ADGRL2: variants seen among roughly 807,000 people sequenced by gnomAD.
ADGRL2 encodes the protein calcium-independent alpha-latrotoxin receptor 2.
A neutral mutation model predicts 157.4 loss-of-function variants in ADGRL2; 44 were observed. That is an observed-to-expected ratio of 0.28 (90% CI 0.22 to 0.36). The LOEUF is 0.36. Ranked by LOEUF, ADGRL2 falls within the 10% of genes least tolerant of loss-of-function variation. The pLI is 1.00. For missense variants in ADGRL2, 1,510 were observed against 1,768.9 expected (o/e 0.85, Z 2.63); for synonymous variants, 585 against 624.7 (o/e 0.94, Z 0.95).
At chr1:81,652,393 T>C (rs1236354086) in intron 3 of ADGRL2, among the ~76,000 whole-genome samples, 2 of 152,170 alleles carry the variant, frequency 1.3e-5, no homozygotes, top group Non-Finnish European at 1.5e-5. Flanking sequence ...TGTTTGTTTC[T>C]ATTTTTTCAC....
chr1:81,861,109 C>G (rs1037554773), intron 2 of ADGRL2, among the ~76,000 whole-genome samples: 11 of 151,300 alleles, frequency 7.3e-5, no homozygotes, highest in Non-Finnish European at 2.9e-5. Context: ...CTCCACCTAC[C>G]GGGTGGGTTC....
At chr1:81,725,790 T>C (rs1382232765) in intron 1 of ADGRL2, among the ~76,000 whole-genome samples, 1 of 152,150 alleles carries the variant, frequency 6.6e-6, no homozygotes, top group Non-Finnish European at 1.5e-5. Context: ...AATTCCACAA[T>C]GTAAAATACA....
intron 2 of ADGRL2, among the ~76,000 whole-genome samples, chr1:81,499,761 A>G (rs2078805195): frequency 6.6e-6 from 1 of 152,204 alleles, no homozygotes; most frequent in African/African-American, 2.4e-5. Flanking sequence ...GTGTCAAAAG[A>G]AAGTATTTGG....
intron 3 of ADGRL2, among the ~76,000 whole-genome samples, chr1:81,600,492 C>T (rs1297673931): frequency 6.6e-6 from 1 of 152,198 alleles, no homozygotes; most frequent in Non-Finnish European, 1.5e-5. Context: ...AGAGATGCCC[C>T]AGGCAAATAT....
At chr1:81,848,722 A>G (rs898981740) in intron 2 of ADGRL2, among the ~76,000 whole-genome samples, 3 of 151,926 alleles carry the variant, frequency 2.0e-5, no homozygotes, top group Non-Finnish European at 2.9e-5. Flanking sequence ...CTTTCAAATA[A>G]TCTTCCAAAG....
At chr1:81,798,060 T>C (rs1441262563), upstream of ADGRL2, among the ~76,000 whole-genome samples, 3 of 152,190 alleles carry the variant, frequency 2.0e-5, no homozygotes, top group African/African-American at 7.2e-5. Context: ...GATTGAGTAA[T>C]TAAATTGATT....
At chr1:81,661,029 A>C (rs1570762584) in intron 3 of ADGRL2, among the ~76,000 whole-genome samples, 1 of 152,290 alleles carries the variant, frequency 6.6e-6, no homozygotes, top group Non-Finnish European at 1.5e-5. Flanking sequence ...TCCTTTTATT[A>C]ACAAATTTTT....
chr1:81,698,139 T>A (rs2083482467), upstream of ADGRL2, among the ~76,000 whole-genome samples: 1 of 152,166 alleles, frequency 6.6e-6, no homozygotes, highest in African/African-American at 2.4e-5. Flanking sequence ...TCATGTGGAA[T>A]AAGGATTAAA....
chr1:81,666,769 T>C (rs562689275), intron 3 of ADGRL2, among the ~76,000 whole-genome samples: 1 of 152,306 alleles, frequency 6.6e-6, no homozygotes, highest in African/African-American at 2.4e-5. Context: ...TGGAATCTCA[T>C]TCCCGGCTCA....
chr1:81,694,498 G>A (rs1034125764), intron 3 of ADGRL2, among the ~76,000 whole-genome samples: 4 of 151,584 alleles, frequency 2.6e-5, no homozygotes, highest in Non-Finnish European at 5.9e-5. Context: ...GTATAAGCCC[G>A]TACACTGTTT....
upstream of ADGRL2, among the ~76,000 whole-genome samples, chr1:81,695,673 T>C (rs781475870): frequency 3.5e-4 from 53 of 152,138 alleles, 1 homozygote; most frequent in Admixed American, 1.1e-3. Flanking sequence ...GTGCAAAAAT[T>C]AGCTGGATGT....
chr1:81,691,354 T>A (rs968751583), intron 3 of ADGRL2, among the ~76,000 whole-genome samples: 9 of 152,076 alleles, frequency 5.9e-5, no homozygotes, highest in African/African-American at 2.2e-4. Flanking sequence ...TATAAATTGG[T>A]TAAAGATAAA....
At chr1:81,686,206 G>A (rs766280112) in intron 3 of ADGRL2, among the ~76,000 whole-genome samples, 1 of 152,124 alleles carries the variant, frequency 6.6e-6, no homozygotes, top group African/African-American at 2.4e-5. Context: ...ATGCCAAAAG[G>A]ATTAATACCA....
chr1:81,432,881 G>T (rs919208884), intron 1 of ADGRL2, among the ~76,000 whole-genome samples: 1 of 152,136 alleles, frequency 6.6e-6, no homozygotes, highest in African/African-American at 2.4e-5. Flanking sequence ...ATCATGGGCC[G>T]TTCTATGGTT....
At chr1:81,646,975 A>G (rs1464812535) in intron 3 of ADGRL2, among the ~76,000 whole-genome samples, 1 of 152,190 alleles carries the variant, frequency 6.6e-6, no homozygotes, top group Non-Finnish European at 1.5e-5. Context: ...AACAAACAAA[A>G]CAACATTTTG....
intron 2 of ADGRL2, among the ~76,000 whole-genome samples, chr1:81,544,684 G>A (rs2079969949): frequency 6.6e-6 from 1 of 152,098 alleles, no homozygotes; most frequent in South Asian, 2.1e-4. Flanking sequence ...GGCACACATA[G>A]AGAGACAACT....
chr1:81,634,478 G>T (rs1369132674), intron 3 of ADGRL2, among the ~76,000 whole-genome samples: 1 of 149,912 alleles, frequency 6.7e-6, no homozygotes, highest in Non-Finnish European at 1.5e-5. Flanking sequence ...CCCCCACTAT[G>T]CTCCAATTAT....
At chr1:81,691,240 A>T (rs2083326181) in intron 3 of ADGRL2, among the ~76,000 whole-genome samples, 1 of 152,108 alleles carries the variant, frequency 6.6e-6, no homozygotes, top group African/African-American at 2.4e-5. Flanking sequence ...CTGCAACTTC[A>T]TCTGGGGAGT....
In ADGRL2 at chr1:81,708,912, G is replaced by A. The variant is rs111336122; in HGVS notation, c.-143+9104G>A. ...TGCCTTGAAACACATCAACTTACTT[G>A]CTCGTTAGATGGGTCCATTATTTTC... is the stretch of plus-strand genomic sequence containing the variant. On this transcript the variant is annotated intron_variant, in intron 1 of 20. Transcript: ENST00000359929. Among the ~76,000 whole-genome samples, 1,112 of 152,046 alleles carry A rather than the reference G, an allele frequency of 7.3e-3. 21 individuals are homozygous for A. Among genetic ancestry groups the A allele is most frequent in the African/African-American group, 0.026 (1,068 of 41,480 alleles).
Sources: allele counts gnomAD v4.1 joint callset (sites outside exome capture counted in the v4.1 genomes callset), GRCh38; gene constraint gnomAD v4.1.1; transcripts MANE v1.5; gene names NCBI Gene and HGNC (gene_info 2026-07-23, HGNC 2026-07-21).